Variants in DPY19L1 observed in about 807,000 individuals in gnomAD.
DPY19L1 encodes the protein protein C-mannosyl-transferase DPY19L1.
In DPY19L1, 35 loss-of-function variants were observed where a neutral mutation model predicts 96.9. The ratio of observed to expected loss-of-function variants is 0.36; its 90% CI spans 0.28 to 0.48. The LOEUF is 0.48. DPY19L1 is among the 20% of genes least tolerant of loss of function. The pLI is 0.99. For missense variants in DPY19L1, 521 were observed against 777.9 expected (o/e 0.67, Z 3.93); for synonymous variants, 205 against 252.6 (o/e 0.81, Z 1.79).
chr7:35,037,645 G>T, upstream of DPY19L1: 1 of 230,410 alleles, frequency 4.3e-6, no homozygotes, highest in Non-Finnish European at 7.6e-6. Context: ...CGCTCCGGTT[G>T]TCACGGCGAC....
intron 10 of DPY19L1, among the ~76,000 whole-genome samples, chr7:34,958,477 A>C (rs1365941616): frequency 6.6e-6 from 1 of 152,204 alleles, no homozygotes; most frequent in Non-Finnish European, 1.5e-5. Flanking sequence ...AGTCCTCCGA[A>C]TACTGCGAAA....
Position 34,945,683 on chromosome 7 carries a change from G to A in DPY19L1, c.1528C>T (p.Gln510Ter). Residue 510 changes from glutamine to a stop codon, truncating the protein, a stop_gained, in exon 16 of 22, where the codon CAA becomes TAA. Coordinates refer to ENST00000638088, the MANE Select transcript of DPY19L1 (RefSeq NM_001366673.1). LOFTEE classifies it high-confidence loss of function. ...ISDMWGVLAK[Q>*]QTHVRKHQFD... ...CATATTTACCTTACATGTGTCTGTT[G>A]TTTAGCTAAGACACCCCACATATCA... 1 of 1,600,964 alleles carries A rather than the reference G, an allele frequency of 6.2e-7. No homozygotes were observed. Among genetic ancestry groups the A allele is most frequent in the Non-Finnish European group, 8.5e-7 (1 of 1,173,002 alleles).
intron 6 of DPY19L1, among the ~76,000 whole-genome samples, chr7:35,009,220 A>T (rs1785641581): frequency 6.6e-6 from 1 of 152,212 alleles, no homozygotes. Context: ...TCTTTGAGGT[A>T]CTAAACTGAA....
Position 34,940,298 on chromosome 7 carries a change from A to G in DPY19L1, c.1719T>C (p.His573=), listed in dbSNP as rs1783975488. The G allele has an allele frequency of 6.2e-7, 1 of 1,608,842 alleles. No homozygotes were observed. Among genetic ancestry groups the G allele is most frequent in the Non-Finnish European group, 8.5e-7 (1 of 1,179,088 alleles). The change falls in exon 19 of 22, where the codon CAT becomes CAC. Residue 573 remains histidine, a synonymous_variant. Coordinates refer to ENST00000638088, the MANE Select transcript of DPY19L1 (RefSeq NM_001366673.1). The part of the protein sequence containing the change: ...QLFGWLFCKV[H]PGAIVFAILA... ...ATATAGCAAACACAATAGCACCAGG[A>G]TGTACTTTGCAAAAGAGCCATCCAA...
chr7:35,004,168 G>A (rs867072357), intron 6 of DPY19L1, among the ~76,000 whole-genome samples: 1 of 152,184 alleles, frequency 6.6e-6, no homozygotes, highest in Non-Finnish European at 1.5e-5. Flanking sequence ...CTTTTGGCTT[G>A]TCGCTTTAAC....
chr7:35,008,112 C>A (rs1451749655), intron 6 of DPY19L1, among the ~76,000 whole-genome samples: 1 of 151,894 alleles, frequency 6.6e-6, no homozygotes, highest in East Asian at 1.9e-4. Context: ...TTATTTCCAC[C>A]TATTCAAATA....
At chr7:34,998,666 C>T (rs1353508295) in intron 6 of DPY19L1, among the ~76,000 whole-genome samples, 1 of 152,150 alleles carries the variant, frequency 6.6e-6, no homozygotes, top group East Asian at 1.9e-4. Context: ...CTGGGTCTCC[C>T]CAAACAAAGC....
At chr7:34,964,723 A>T (rs1784574574) in intron 10 of DPY19L1, among the ~76,000 whole-genome samples, 1 of 152,198 alleles carries the variant, frequency 6.6e-6, no homozygotes, top group Admixed American at 6.5e-5. Flanking sequence ...AGGACATGTT[A>T]AAAGGAAAGA....
intron 15 of DPY19L1, 129 bp from the exon 16 acceptor site, chr7:34,945,845 T>C: frequency 1.5e-6 from 1 of 671,414 alleles, no homozygotes; most frequent in Non-Finnish European, 2.6e-6. Context: ...CAGAAAATAA[T>C]AATCACAACA....
intron 1 of DPY19L1, among the ~76,000 whole-genome samples, chr7:35,032,655 C>T (rs537824625): frequency 6.6e-6 from 1 of 152,200 alleles, no homozygotes; most frequent in Admixed American, 6.5e-5. Flanking sequence ...GGACATCTCA[C>T]AAATGTCCCA....
intron 10 of DPY19L1, among the ~76,000 whole-genome samples, chr7:34,959,914 T>TATATATTTATATATATATATATATATAA (rs1562806903): frequency 4.2e-3 from 45 of 10,598 alleles, no homozygotes; most frequent in African/African-American, 0.035. Flanking sequence ...TATATATATA[T>TATATATTTATATATATATATATATATAA]ATATATATAT....
chr7:34,998,530 G>T (rs1252843885), intron 6 of DPY19L1, among the ~76,000 whole-genome samples: 1 of 152,194 alleles, frequency 6.6e-6, no homozygotes, highest in African/African-American at 2.4e-5. Flanking sequence ...TGAGGGGGAG[G>T]AGTAGTCAAT....
intron 1 of DPY19L1, among the ~76,000 whole-genome samples, chr7:35,035,091 A>C (rs1786356480): frequency 6.6e-6 from 1 of 152,234 alleles, no homozygotes; most frequent in South Asian, 2.1e-4. Flanking sequence ...CAGAGAAAGA[A>C]GCAACCCAGG....
At chr7:34,943,930 A>T (rs187966869) in intron 16 of DPY19L1, among the ~76,000 whole-genome samples, 30 of 152,304 alleles carry the variant, frequency 2.0e-4, no homozygotes, top group African/African-American at 7.2e-4. Context: ...AGGTATAAAC[A>T]TATACCTGTA....
intron 1 of DPY19L1, among the ~76,000 whole-genome samples, chr7:35,028,427 G>T (rs1280325036): frequency 6.6e-6 from 1 of 152,148 alleles, no homozygotes; most frequent in Non-Finnish European, 1.5e-5. Flanking sequence ...CTAAGTAAAT[G>T]TTCACATATT....
At position 34,969,500 on chromosome 7, in the gene DPY19L1, G is replaced by A; in HGVS notation, c.947C>T (p.Ala316Val). 1 of 1,572,974 alleles carries A rather than the reference G, an allele frequency of 6.4e-7. No homozygotes were observed. Among genetic ancestry groups the A allele is most frequent in the Non-Finnish European group, 8.6e-7 (1 of 1,161,738 alleles). The change falls in exon 9 of 22, where the codon GCA becomes GTA. Residue 316 changes from alanine to valine, a missense_variant. By Grantham distance (64) the Ala-to-Val change is moderately conservative (BLOSUM62 0). Transcript: ENST00000638088. Reference sequence around the variant, plus strand: ...GAAAAATACATTGGAAATGCAGAGTGCAATCAAGCTTCCTCTATAAAGTTT... The same window carrying A: ...GAAAAATACATTGGAAATGCAGAGTACAATCAAGCTTCCTCTATAAAGTTT... ...ATKLYRGSLIALCISNVFFML... is the reference protein window; with the variant it reads ...ATKLYRGSLIVLCISNVFFML...
intron 6 of DPY19L1, among the ~76,000 whole-genome samples, chr7:35,009,459 CTTTTAG>C (rs1014616860): frequency 2.0e-5 from 3 of 152,130 alleles, no homozygotes; most frequent in African/African-American, 7.2e-5. Flanking sequence ...AAAAATTAGT[CTTTTAG>C]TTTTAGGAAT....
intron 7 of DPY19L1, among the ~76,000 whole-genome samples, chr7:34,980,998 A>G (rs1784927289): frequency 6.6e-6 from 1 of 152,192 alleles, no homozygotes; most frequent in Non-Finnish European, 1.5e-5. Context: ...GAGATAGAAG[A>G]GTTTTGAAGG....
chr7:34,982,724 T>C (rs1334612884), intron 7 of DPY19L1, among the ~76,000 whole-genome samples: 2 of 152,126 alleles, frequency 1.3e-5, no homozygotes, highest in Admixed American at 1.3e-4. Context: ...CTGAAAAAGG[T>C]ACAAACACAA....
Sources: allele counts gnomAD v4.1 joint callset (sites outside exome capture counted in the v4.1 genomes callset), GRCh38; gene constraint gnomAD v4.1.1; transcripts MANE v1.5; gene names NCBI Gene and HGNC (gene_info 2026-07-23, HGNC 2026-07-21).